ADAMTSL1: variants seen among roughly 807,000 people sequenced by gnomAD.
ADAMTSL1 encodes ADAMTS-like protein 1.
A neutral mutation model predicts 201.8 loss-of-function variants in ADAMTSL1; 126 were observed. The ratio of observed to expected loss-of-function variants is 0.62; its 90% CI spans 0.54 to 0.72. The LOEUF is 0.72. ADAMTSL1 is among the 30% of genes least tolerant of loss of function. The pLI is 0.00. For missense variants in ADAMTSL1, 2,679 were observed against 2,277.8 expected (o/e 1.18, Z -3.59); for synonymous variants, 1,121 against 903.4 (o/e 1.24, Z -4.32).
At position 18,713,216 on chromosome 9, in the gene ADAMTSL1, A is replaced by C. The variant is rs993504052; in HGVS notation, c.1876+6168A>C. Among the ~76,000 whole-genome samples the C allele has an allele frequency of 7.9e-3, 1,208 of 152,120 alleles. 21 individuals carry two copies. The highest frequency in any genetic ancestry group is 0.027 in the African/African-American group (1,135 of 41,456). ...CTAATGAGCAAAATAACCAGCTAAC[A>C]TCATAATGACAGGATCATATTCACA... On this transcript the variant is annotated intron_variant, in intron 14 of 28. Coordinates refer to ENST00000380548, the MANE Select transcript of ADAMTSL1 (RefSeq NM_001040272.6).
At chr9:18,050,738 A>T (rs1349734151) in intron 1 of ADAMTSL1, among the ~76,000 whole-genome samples, 1 of 152,190 alleles carries the variant, frequency 6.6e-6, no homozygotes, top group African/African-American at 2.4e-5. Flanking sequence ...ATCTAAAGTC[A>T]CAGGTGGGGA....
intron 25 of ADAMTSL1, chr9:18,890,475 T>A (rs1829177209): frequency 2.2e-6 from 1 of 455,794 alleles, no homozygotes; most frequent in Non-Finnish European, 4.4e-6. Flanking sequence ...GGGATGTGGC[T>A]CAGCTCTCAA....
chr9:18,180,010 A>T (rs1264247017), intron 2 of ADAMTSL1, among the ~76,000 whole-genome samples: 2 of 152,164 alleles, frequency 1.3e-5, no homozygotes, highest in South Asian at 2.1e-4. Context: ...GACAGGATCA[A>T]ATTCACACAT....
At chr9:18,608,845 C>G (rs1309429917) in intron 4 of ADAMTSL1, among the ~76,000 whole-genome samples, 1 of 152,146 alleles carries the variant, frequency 6.6e-6, no homozygotes, top group Non-Finnish European at 1.5e-5. Context: ...TTCCCAACTT[C>G]CAGAAGACTA....
intron 5 of ADAMTSL1, among the ~76,000 whole-genome samples, chr9:18,631,184 C>T (rs761785623): frequency 6.6e-6 from 1 of 152,108 alleles, no homozygotes; most frequent in Admixed American, 6.5e-5. Flanking sequence ...TAACTGATTA[C>T]ATATAAAGAT....
chr9:17,985,583 A>G (rs928686187), intron 1 of ADAMTSL1, among the ~76,000 whole-genome samples: 6 of 152,146 alleles, frequency 3.9e-5, no homozygotes, highest in African/African-American at 1.4e-4. Context: ...TGAAATGTAG[A>G]AACATTTTGC....
chr9:17,955,535 A>G (rs1827896105), intron 1 of ADAMTSL1, among the ~76,000 whole-genome samples: 1 of 152,220 alleles, frequency 6.6e-6, no homozygotes, highest in African/African-American at 2.4e-5. Context: ...ATTAAGTGAC[A>G]AATTCAGAAA....
chr9:18,311,781 A>G (rs1442791340), intron 2 of ADAMTSL1, among the ~76,000 whole-genome samples: 1 of 152,180 alleles, frequency 6.6e-6, no homozygotes, highest in African/African-American at 2.4e-5. Flanking sequence ...GGAGATTGAA[A>G]TGGGAACACA....
chr9:17,949,643 A>T (rs1223014451), intron 1 of ADAMTSL1, among the ~76,000 whole-genome samples: 1 of 152,166 alleles, frequency 6.6e-6, no homozygotes, highest in Non-Finnish European at 1.5e-5. Context: ...TTTCTGTCTT[A>T]TTGCTCACAG....
At chr9:17,917,342 A>G (rs1333005421) in intron 1 of ADAMTSL1, among the ~76,000 whole-genome samples, 2 of 152,188 alleles carry the variant, frequency 1.3e-5, no homozygotes. Flanking sequence ...ATTAAGTATG[A>G]TGTTAGGTGT....
intron 2 of ADAMTSL1, among the ~76,000 whole-genome samples, chr9:18,444,753 T>C (rs951389059): frequency 6.6e-6 from 1 of 152,148 alleles, no homozygotes; most frequent in East Asian, 1.9e-4. Context: ...CAGGAGGGTA[T>C]GGCAACATCC....
chr9:18,579,097 A>G (rs1314702978), intron 4 of ADAMTSL1, among the ~76,000 whole-genome samples: 1 of 151,796 alleles, frequency 6.6e-6, no homozygotes, highest in Non-Finnish European at 1.5e-5. Flanking sequence ...AACCAACCCA[A>G]ATGTCCAACA....
intron 13 of ADAMTSL1, among the ~76,000 whole-genome samples, chr9:18,696,176 G>T (rs1485006963): frequency 2.0e-5 from 3 of 152,196 alleles, no homozygotes; most frequent in Admixed American, 1.3e-4. Context: ...TTTGGACAGG[G>T]ACACAAATCC....
At chr9:18,334,039 T>G (rs1318455714) in intron 2 of ADAMTSL1, among the ~76,000 whole-genome samples, 3 of 152,140 alleles carry the variant, frequency 2.0e-5, no homozygotes, top group Admixed American at 2.0e-4. Context: ...GAAACCAACT[T>G]TGATTCAAAC....
intron 2 of ADAMTSL1, among the ~76,000 whole-genome samples, chr9:18,427,804 A>G (rs975986216): frequency 1.3e-5 from 2 of 152,276 alleles, no homozygotes; most frequent in African/African-American, 4.8e-5. Flanking sequence ...TCTCAAAAGC[A>G]GAGGCGGAGC....
intron 14 of ADAMTSL1, among the ~76,000 whole-genome samples, chr9:18,720,556 G>A (rs1833275362): frequency 6.6e-6 from 1 of 152,174 alleles, no homozygotes; most frequent in African/African-American, 2.4e-5. Context: ...AGCCGAGGTG[G>A]GCAGATCACT....
At chr9:18,688,500 C>G (rs150287254) in intron 13 of ADAMTSL1, among the ~76,000 whole-genome samples, 206 of 148,888 alleles carry the variant, frequency 1.4e-3, no homozygotes, top group African/African-American at 4.7e-3. Context: ...GACCTCGTCT[C>G]TACTAAAACT....
At chr9:18,158,846 GT>G (rs980573435) in intron 1 of ADAMTSL1, among the ~76,000 whole-genome samples, 7 of 151,846 alleles carry the variant, frequency 4.6e-5, no homozygotes, top group Non-Finnish European at 7.4e-5. Flanking sequence ...TGACACTTTA[GT>G]TTTCATGATT....
At chr9:17,963,079 C>T (rs1210848401) in intron 1 of ADAMTSL1, among the ~76,000 whole-genome samples, 1 of 152,208 alleles carries the variant, frequency 6.6e-6, no homozygotes, top group Non-Finnish European at 1.5e-5. Context: ...TTTAGAGGTT[C>T]ATTTGAACAA....
Sources: gnomAD v4.1 joint callset for allele counts (sites outside exome capture counted in the v4.1 genomes callset) on GRCh38, gnomAD v4.1.1 for gene constraint, MANE v1.5 for transcripts, NCBI Gene and HGNC (gene_info 2026-07-23, HGNC 2026-07-21) for gene names.